EYS: variants seen among roughly 807,000 people sequenced by gnomAD.
EYS encodes the protein EGF-like photoreceptor maintenance factor, also known as protein eyes shut homolog.
Under a neutral mutation model 282.1 loss-of-function variants are expected in EYS, and 250 were observed. The observed-to-expected ratio is 0.89, with a 90% CI of 0.80 to 0.98. EYS has a LOEUF of 0.98. Ranked by LOEUF, EYS falls within the 50% of genes least tolerant of loss-of-function variation. EYS has a pLI of 0.00. For synonymous variants in EYS, 1,355 were observed against 1,282.9 expected (o/e 1.06, Z -1.20); for missense variants, 4,016 against 3,709.0 (o/e 1.08, Z -2.15).
chr6:64,790,365 A>G lies in EYS; in HGVS notation c.3443+23013T>C, dbSNP rs144641565. Among the ~76,000 whole-genome samples, 684 of 152,080 alleles carry G rather than the reference A, an allele frequency of 4.5e-3. 6 individuals are homozygous for G. The highest frequency in any genetic ancestry group is 0.015 in the African/African-American group (610 of 41,550). On this transcript the variant is annotated intron_variant, in intron 22 of 42. Coordinates refer to ENST00000503581, the MANE Select transcript of EYS (RefSeq NM_001142800.2). ...AAAGTTGAAAAACAAATGAAGTATAATAATTATTTATAGCATTTAAATGAT... is the reference window on the plus strand; with the variant it reads ...AAAGTTGAAAAACAAATGAAGTATAGTAATTATTTATAGCATTTAAATGAT...
chr6:64,890,049 C>CCCG lies in EYS; in HGVS notation c.2847-3208_2847-3207insCGG, dbSNP rs1192095442. ...TGGAGGTATAGGCCTATAAATGCCC[C>CCCG]CCCCCCCCAAGGTGTGCCCATCTCT... On this transcript the variant is annotated intron_variant, in intron 18 of 42. Coordinates refer to ENST00000503581, the MANE Select transcript of EYS (RefSeq NM_001142800.2). Among the ~76,000 whole-genome samples the CCCG allele has an allele frequency of 4.6e-4, 68 of 148,228 alleles. 5 individuals are homozygous for CCCG. Among genetic ancestry groups the CCCG allele is most frequent in the African/African-American group, 1.6e-3 (63 of 39,476 alleles).
chr6:64,807,306 C>CTGGTAT (rs1764461154), intron 22 of EYS, among the ~76,000 whole-genome samples: 1 of 151,608 alleles, frequency 6.6e-6, no homozygotes, highest in South Asian at 2.1e-4. Flanking sequence ...GCATTGGATT[C>CTGGTAT]TGGTATTGAC....
intron 2 of EYS, among the ~76,000 whole-genome samples, chr6:65,508,697 C>T (rs2127284924): frequency 6.6e-6 from 1 of 150,988 alleles, no homozygotes; most frequent in South Asian, 2.1e-4. Context: ...AATGTTTCTT[C>T]TTATATGAAT....
chr6:64,547,502 T>C (rs185814905), intron 26 of EYS, among the ~76,000 whole-genome samples: 2,225 of 152,256 alleles, frequency 0.015, 46 homozygotes, highest in African/African-American at 0.05. Context: ...AGAGTGTCGA[T>C]TGGTGCATTC....
chr6:64,972,249 G>A (rs1770320367), intron 14 of EYS, among the ~76,000 whole-genome samples: 2 of 152,252 alleles, frequency 1.3e-5, no homozygotes, highest in South Asian at 4.1e-4. Context: ...CTCAACGTTG[G>A]TTTTGATTTC....
At chr6:64,268,128 T>C (rs547285497) in intron 30 of EYS, among the ~76,000 whole-genome samples, 2 of 152,230 alleles carry the variant, frequency 1.3e-5, no homozygotes, top group African/African-American at 2.4e-5. Context: ...TCCATCATCA[T>C]AGGAATGTAA....
At chr6:65,330,848 A>G (rs1459024352) in intron 11 of EYS, 19 of 936,182 alleles carry the variant, frequency 2.0e-5, no homozygotes, top group East Asian at 1.2e-4. Flanking sequence ...GTCTACTTCT[A>G]TATAAGGTAT....
intron 31 of EYS, among the ~76,000 whole-genome samples, chr6:64,211,400 G>C (rs1765761356): frequency 6.6e-6 from 1 of 151,962 alleles, no homozygotes; most frequent in Non-Finnish European, 1.5e-5. Flanking sequence ...TTCAAGCAGT[G>C]CTTAAAATCA....
intron 34 of EYS, among the ~76,000 whole-genome samples, chr6:63,991,924 A>G (rs762635472): frequency 3.3e-5 from 5 of 151,712 alleles, no homozygotes; most frequent in Non-Finnish European, 5.9e-5. Flanking sequence ...ATCAGAAGGG[A>G]AAGGGGTGAT....
chr6:64,007,980 T>A (rs1284087393), intron 33 of EYS, among the ~76,000 whole-genome samples: 2 of 152,084 alleles, frequency 1.3e-5, no homozygotes, highest in African/African-American at 4.8e-5. Flanking sequence ...TGAGTGGAGA[T>A]ATCTGTTAGG....
rs1768323835 is a variant in EYS, at chr6:63,720,330, C to G, written c.*266G>C. On this transcript the variant is annotated 3_prime_UTR_variant, in exon 43 of 43. Coordinates refer to ENST00000503581, the MANE Select transcript of EYS (RefSeq NM_001142800.2). ...TAGGGATAGGTAAAAAGTGAATAAG[C>G]AAAGTGAATAAGCACATTCTGTGAA... 1 of 404,316 alleles carries G rather than the reference C, an allele frequency of 2.5e-6. No individual in the cohort carries two copies. The allele number at this position is 404,316 out of a possible 1,614,324, so 25.0% of individuals were successfully genotyped here. A position where few individuals can be genotyped will look rare whatever the true frequency, so the allele number is the denominator to read the frequency against.
At chr6:65,334,339 G>A (rs1195033944) in intron 11 of EYS, among the ~76,000 whole-genome samples, 1 of 151,574 alleles carries the variant, frequency 6.6e-6, no homozygotes, top group Non-Finnish European at 1.5e-5. Flanking sequence ...ATAGCTCATT[G>A]AAGCTTCTAA....
chr6:65,614,596 G>A (rs568842603), intron 2 of EYS, among the ~76,000 whole-genome samples: 1 of 152,006 alleles, frequency 6.6e-6, no homozygotes, highest in Non-Finnish European at 1.5e-5. Context: ...GTTATAAAAT[G>A]CATAAGAATG....
chr6:63,830,761 T>A (rs1372117275), intron 36 of EYS, among the ~76,000 whole-genome samples: 2 of 152,140 alleles, frequency 1.3e-5, no homozygotes, highest in Non-Finnish European at 2.9e-5. Context: ...AGACACATAA[T>A]TGTCAGATTC....
intron 19 of EYS, among the ~76,000 whole-genome samples, chr6:64,841,449 C>T (rs142900211): frequency 2.6e-5 from 4 of 152,064 alleles, no homozygotes; most frequent in African/African-American, 9.7e-5. Flanking sequence ...ATTTATATTT[C>T]TACCATCTTC....
At position 65,494,959 on chromosome 6, in the gene EYS, A is replaced by G. The variant is rs1766192087; in HGVS notation, c.452T>C (p.Val151Ala). 1 of 1,614,054 alleles carries G rather than the reference A, an allele frequency of 6.2e-7. No homozygotes were observed. ...LSVGTHYFIT[V>A]MASGPSPCPL... is the part of the protein sequence containing the mutation. ...ACAAGGTGATGGACCACTTGCCATAACTGTGATAAAATAATGTGTCCCAAC... is the reference window on the plus strand; with the variant it reads ...ACAAGGTGATGGACCACTTGCCATAGCTGTGATAAAATAATGTGTCCCAAC... Residue 151 changes from valine (V) to alanine (A), a missense_variant, in exon 4 of 43, where the codon GTT (valine) becomes GCT (alanine). Coordinates refer to ENST00000503581, the MANE Select transcript of EYS (RefSeq NM_001142800.2).
rs142394343 is a variant in EYS at position 64,543,442 on chromosome 6, T to C, written c.5644+46781A>G. Among the ~76,000 whole-genome samples the C allele has an allele frequency of 1.5e-3, 224 of 152,196 alleles. 2 individuals carry two copies. The highest frequency in any genetic ancestry group is 5.1e-3 in the African/African-American group (211 of 41,576). ...AATGATTTTATTTATAGAAAAAATA[T>C]AATGGGACAAATTTTCTTTGGATCT... On this transcript the variant is annotated intron_variant, in intron 26 of 42. Coordinates refer to ENST00000503581, the MANE Select transcript of EYS (RefSeq NM_001142800.2).
intron 29 of EYS, among the ~76,000 whole-genome samples, chr6:64,328,003 C>T (rs1582604372): frequency 6.6e-6 from 1 of 152,176 alleles, no homozygotes; most frequent in East Asian, 1.9e-4. Flanking sequence ...GATCCCCCTC[C>T]AAGAAACATG....
At chr6:64,433,558 A>T (rs1035529175) in intron 28 of EYS, among the ~76,000 whole-genome samples, 1 of 152,018 alleles carries the variant, frequency 6.6e-6, no homozygotes, top group African/African-American at 2.4e-5. Context: ...AATATTTCTG[A>T]GTTTAGATTA....
Sources: allele counts gnomAD v4.1 joint callset (sites outside exome capture counted in the v4.1 genomes callset), GRCh38; gene constraint gnomAD v4.1.1; transcripts MANE v1.5; gene names NCBI Gene and HGNC (gene_info 2026-07-23, HGNC 2026-07-21).